The following ST6GALNAC6 variants were observed in gnomAD, a reference collection of about 807,000 sequenced individuals.
The protein encoded by ST6GALNAC6 is alpha-N-acetylgalactosaminide alpha-2,6-sialyltransferase 6.
A neutral mutation model predicts 34.3 loss-of-function variants in ST6GALNAC6; 19 were observed. That is an observed-to-expected ratio of 0.55 (90% CI 0.39 to 0.81). ST6GALNAC6 has a LOEUF of 0.81. Ranked by LOEUF, ST6GALNAC6 falls within the 40% of genes least tolerant of loss-of-function variation. The pLI, the probability that ST6GALNAC6 is intolerant of heterozygous loss-of-function variation, is 0.00. For synonymous variants in ST6GALNAC6, 185 were observed against 182.1 expected (o/e 1.02, Z -0.13); for missense variants, 377 against 467.7 (o/e 0.81, Z 1.79).
At position 127,890,503 on chromosome 9, in the gene ST6GALNAC6, G is replaced by C. The variant is rs1297423711; in HGVS notation, c.704+134C>G. 1.8e-5 allele frequency: 23 copies of C among 1,281,726 alleles called. No individual in the cohort carries two copies. The highest frequency in any genetic ancestry group is 2.4e-5 in the Non-Finnish European group (22 of 928,846). 79.4% of individuals were successfully genotyped at this position (1,281,726 alleles called of 1,614,324 possible). On this transcript the variant is annotated intron_variant, in intron 5 of 6. Coordinates refer to ENST00000373146, the MANE Select transcript of ST6GALNAC6 (RefSeq NM_013443.5). The surrounding 1 kb of genome is among the most constrained non-coding windows in gnomAD (Gnocchi z 4.3). Reference sequence around the variant, plus strand: ...CTGGACATGAAGAGAACTCTCCTAGGAGGCCCAACCAGAGGACGGCGGGAC... The same window carrying C: ...CTGGACATGAAGAGAACTCTCCTAGCAGGCCCAACCAGAGGACGGCGGGAC...
chr9:127,892,043 C>T (rs1018923284), intron 4 of ST6GALNAC6, among the ~76,000 whole-genome samples: 1 of 151,984 alleles, frequency 6.6e-6, no homozygotes, highest in African/African-American at 2.4e-5. Context: ...CCCAGTTACT[C>T]GGGAGGCTGA....
At chr9:127,898,919 G>GC (rs1386865396) in intron 1 of ST6GALNAC6, among the ~76,000 whole-genome samples, 3 of 152,182 alleles carry the variant, frequency 2.0e-5, no homozygotes, top group Non-Finnish European at 4.4e-5. Flanking sequence ...GCAGCCCCGA[G>GC]CGCTGGGCCA....
At chr9:127,900,417 T>A (rs941603677), upstream of ST6GALNAC6, among the ~76,000 whole-genome samples, 1 of 151,564 alleles carries the variant, frequency 6.6e-6, no homozygotes, top group Non-Finnish European at 1.5e-5. Context: ...AAAATTAGCC[T>A]GGCGTGGTGG....
rs1830350817 is a variant in ST6GALNAC6, at chr9:127,894,770, T to C, written c.118-79A>G. The C allele has an allele frequency of 3.3e-6, 5 of 1,527,876 alleles. No individual in the cohort carries two copies. The Admixed American group carries it at 9.4e-5, about 29-fold the overall frequency. 94.6% of individuals were successfully genotyped at this position (1,527,876 alleles called of 1,614,324 possible). ...CCACCTCCTTGCCACCTACCATGCC[T>C]GGTTAACTCCTGCTTTTTGTTGCAG... On this transcript the variant is annotated intron_variant, in intron 3 of 6. Transcript: ENST00000373146.
rs952469705 is a variant in ST6GALNAC6, at chr9:127,897,012, T to C, written c.27-680A>G. On this transcript the variant is annotated intron_variant, in intron 2 of 6. Coordinates refer to ENST00000373146, the MANE Select transcript of ST6GALNAC6 (RefSeq NM_013443.5). ...GACTCAAGTCTGAGAGGCTCGGTTC[T>C]AGTCCAGGCTCGACAGTCTCTGCCA... 4.5e-4 allele frequency: 423 copies of C among 938,764 alleles called. 1 individual carries two copies. Among genetic ancestry groups the C allele is most frequent in the Non-Finnish European group, 5.3e-4 (421 of 787,588 alleles). The allele number at this position is 938,764 out of a possible 1,614,324, so 58.2% of individuals were successfully genotyped here.
At chr9:127,897,841 G>A in intron 2 of ST6GALNAC6, 115 bp downstream of exon 2, 1 of 1,583,184 alleles carries the variant, frequency 6.3e-7, no homozygotes, top group Non-Finnish European at 8.6e-7. Context: ...CCCGAGCTGT[G>A]CCCTCAGCCA....
At chr9:127,894,764 C>T in intron 3 of ST6GALNAC6, 73 bp from the exon 4 acceptor site, 1 of 1,551,434 alleles carries the variant, frequency 6.4e-7, no homozygotes, top group East Asian at 2.3e-5. Context: ...TGCCACCTAC[C>T]ATGCCTGGTT....
Position 127,892,106 on chromosome 9 carries a change from G to A in ST6GALNAC6, c.298-1063C>T, listed in dbSNP as rs569528380. On this transcript the variant is annotated intron_variant, in intron 4 of 6. Transcript: ENST00000373146. ...GCAGATGTTGCGGTGACCCGAGATC[G>A]AGCCATTGCACTCCAGCCTGGGCAA... 9.9e-5 allele frequency among the ~76,000 whole-genome samples: 15 copies of A among 152,212 alleles called. No individual in the cohort carries two copies. The South Asian group carries it at 2.5e-3, about 25-fold the overall frequency.
At position 127,899,584 on chromosome 9, in the gene ST6GALNAC6, C is replaced by G; in HGVS notation, c.-111G>C. On this transcript the variant is annotated 5_prime_UTR_variant, in exon 1 of 7. Coordinates refer to ENST00000373146, the MANE Select transcript of ST6GALNAC6 (RefSeq NM_013443.5). ...GGAGCCGAGCGCCGGGGTCCGCGCT[C>G]CTCAGGCCGCCCAGGCCTCGCCGCA... 1.0e-6 allele frequency: 1 copy of G among 981,558 alleles called. No homozygotes were observed. The highest frequency in any genetic ancestry group is 1.2e-6 in the Non-Finnish European group (1 of 828,466). 60.8% of individuals were successfully genotyped at this position (981,558 alleles called of 1,614,324 possible).
rs1334268036 is a variant in ST6GALNAC6, at chr9:127,897,940, C to T, written c.26+16G>A. The T allele has an allele frequency of 2.5e-6, 4 of 1,613,106 alleles. No individual in the cohort carries two copies. Among genetic ancestry groups the T allele is most frequent in the Admixed American group, 1.7e-5 (1 of 59,948 alleles). ...GCATGTCAGCTGCCAGTGCGAATCC[C>T]GGTTTCACCACTTACTGGCTGGGGG... On this transcript the variant is annotated intron_variant, in intron 2 of 6. Transcript: ENST00000373146.
At chr9:127,897,126 C>T (rs1830510378) in intron 2 of ST6GALNAC6, 1 of 970,996 alleles carries the variant, frequency 1.0e-6, no homozygotes, top group Non-Finnish European at 1.2e-6. Flanking sequence ...GTGAGGAGGC[C>T]GGCCCAGCTC....
intron 4 of ST6GALNAC6, 74 bp downstream of exon 4, chr9:127,894,438 C>T (rs922689989): frequency 5.1e-6 from 8 of 1,556,362 alleles, no homozygotes; most frequent in Non-Finnish European, 7.0e-6. Context: ...TCCACCTTTC[C>T]TTTAGGAAAG....
intron 4 of ST6GALNAC6, among the ~76,000 whole-genome samples, chr9:127,893,974 C>T (rs1275401273): frequency 6.6e-6 from 1 of 152,208 alleles, no homozygotes; most frequent in African/African-American, 2.4e-5. Context: ...GCAGCTGCAT[C>T]TTAGCAGCGG....
At chr9:127,888,151 T>C (rs1052833135) in intron 5 of ST6GALNAC6, among the ~76,000 whole-genome samples, 1 of 152,190 alleles carries the variant, frequency 6.6e-6, no homozygotes, top group East Asian at 1.9e-4. Context: ...GGTTCATACC[T>C]GTAATCCCAG....
At chr9:127,893,567 C>G (rs867305462) in intron 4 of ST6GALNAC6, among the ~76,000 whole-genome samples, 151 of 152,328 alleles carry the variant, frequency 9.9e-4, no homozygotes, top group African/African-American at 3.6e-3. Flanking sequence ...ACACATCCCA[C>G]GTACCTCGAC....
At chr9:127,891,869 A>G (rs1049959833) in intron 4 of ST6GALNAC6, among the ~76,000 whole-genome samples, 2 of 150,628 alleles carry the variant, frequency 1.3e-5, no homozygotes, top group Non-Finnish European at 3.0e-5. Flanking sequence ...GTGGCCTGGA[A>G]GTCCAGGTGC....
Position 127,891,034 on chromosome 9 carries a change from A to G in ST6GALNAC6, c.307T>C (p.Ser103Pro), listed in dbSNP as rs911981588. ...VPILGNKTLP[S>P]RCHQCVIVSS... ...ACAATCACACACTGGTGGCACCGAG[A>G]GGGCAGTGTCTGGTGGATAAGGAAA... The change falls in exon 5 of 7, where the codon TCT (serine) becomes CCT (proline). Residue 103 changes from serine to proline, a missense_variant. Transcript: ENST00000373146. 1 of 1,613,756 alleles carries G rather than the reference A, an allele frequency of 6.2e-7. No individual in the cohort carries two copies. The highest frequency in any genetic ancestry group is 1.3e-5 in the African/African-American group (1 of 74,996).
intron 5 of ST6GALNAC6, 101 bp from the exon 6 acceptor site, chr9:127,887,692 C>T (rs1438600584): frequency 1.1e-6 from 1 of 917,698 alleles, no homozygotes; most frequent in Non-Finnish European, 1.7e-6. Context: ...TCCTCCCATC[C>T]ACTCATCAGG....
chr9:127,899,440 T>A, intron 1 of ST6GALNAC6, 63 bp downstream of exon 1: 76 of 667,258 alleles, frequency 1.1e-4, no homozygotes, highest in Middle Eastern at 7.8e-4. Flanking sequence ...CCCGGCGCCC[T>A]CCGCCCCAGC....
Sources: allele counts gnomAD v4.1 joint callset (sites outside exome capture counted in the v4.1 genomes callset), GRCh38; gene constraint gnomAD v4.1.1; non-coding constraint Gnocchi (gnomAD v3.1); transcripts MANE v1.5; gene names NCBI Gene and HGNC (gene_info 2026-07-23, HGNC 2026-07-21).